Variants in UROC1 observed in about 807,000 individuals in gnomAD.
The protein encoded by UROC1 is urocanate hydratase.
A neutral mutation model predicts 89.5 loss-of-function variants in UROC1; 79 were observed. The ratio of observed to expected loss-of-function variants is 0.88; its 90% CI spans 0.74 to 1.06. The LOEUF is 1.06. Ranked by LOEUF, UROC1 falls within the 50% of genes least tolerant of loss-of-function variation. The pLI is 0.00. For missense variants in UROC1, 885 were observed against 907.8 expected (o/e 0.97, Z 0.32); for synonymous variants, 361 against 354.8 (o/e 1.02, Z -0.20).
intron 9 of UROC1, chr3:126,501,667 G>C (rs1002530236): frequency 9.4e-6 from 11 of 1,165,570 alleles, no homozygotes; most frequent in Non-Finnish European, 1.1e-5. Flanking sequence ...CGGAAAAATA[G>C]GACAGGAAAA....
At chr3:126,502,178 T>C (rs1935939026) in intron 9 of UROC1, among the ~76,000 whole-genome samples, 1 of 152,130 alleles carries the variant, frequency 6.6e-6, no homozygotes, top group Non-Finnish European at 1.5e-5. Flanking sequence ...GTTATGGGCA[T>C]GTGCGTGTGT....
intron 1 of UROC1, among the ~76,000 whole-genome samples, chr3:126,514,708 T>A (rs1013576416): frequency 6.6e-6 from 1 of 151,892 alleles, no homozygotes; most frequent in African/African-American, 2.4e-5. Context: ...CATAGATGCA[T>A]AGAATGTGTT....
At chr3:126,492,267 C>A in intron 16 of UROC1, 151 bp downstream of exon 16, 1 of 761,518 alleles carries the variant, frequency 1.3e-6, no homozygotes, top group South Asian at 1.5e-5. Flanking sequence ...GTCCACTGCT[C>A]CTGAGCACTG....
At chr3:126,484,816 G>C (rs951276953) in intron 18 of UROC1, among the ~76,000 whole-genome samples, 2 of 152,152 alleles carry the variant, frequency 1.3e-5, no homozygotes, top group Admixed American at 6.5e-5. Context: ...GCTCCAAGTC[G>C]ATCTAAGGTC....
In UROC1 at chr3:126,514,356, G is replaced by T. The variant is rs994064904; in HGVS notation, c.126+3238C>A. On this transcript the variant is annotated intron_variant, in intron 1 of 19. Coordinates refer to ENST00000290868, the MANE Select transcript of UROC1 (RefSeq NM_144639.3). Reference sequence around the variant, plus strand: ...CGATTTGGGGAAAAGGTCACCAGGAGAAACTGCACCTGGGGGTAGGTACTG... The same window carrying T: ...CGATTTGGGGAAAAGGTCACCAGGATAAACTGCACCTGGGGGTAGGTACTG... 1.3e-5 allele frequency among the ~76,000 whole-genome samples: 2 copies of T among 152,212 alleles called. 1 individual carries two copies. The highest frequency in any genetic ancestry group is 1.3e-4 in the Admixed American group (2 of 15,286).
Position 126,482,228 on chromosome 3 carries a change from G to T in UROC1, c.*117C>A. On this transcript the variant is annotated 3_prime_UTR_variant, in exon 20 of 20. Coordinates refer to ENST00000290868, the MANE Select transcript of UROC1 (RefSeq NM_144639.3). Reference sequence around the variant, plus strand: ...CTGCACAGGGCACCATAAGGGCCACGTGAGGATGTGCGAGAAGTGCAGGTA... The same window carrying T: ...CTGCACAGGGCACCATAAGGGCCACTTGAGGATGTGCGAGAAGTGCAGGTA... 6.8e-7 allele frequency: 1 copy of T among 1,480,442 alleles called. No individual in the cohort carries two copies. The highest frequency in any genetic ancestry group is 9.2e-7 in the Non-Finnish European group (1 of 1,081,874). 91.7% of individuals were successfully genotyped at this position (1,480,442 alleles called of 1,614,324 possible).
intron 1 of UROC1, among the ~76,000 whole-genome samples, chr3:126,515,391 A>G (rs1576734277): frequency 1.2e-5 from 1 of 83,096 alleles, no homozygotes; most frequent in Non-Finnish European, 2.4e-5. Flanking sequence ...GCCCCCGTCC[A>G]GGACCCACCA....
intron 8 of UROC1, among the ~76,000 whole-genome samples, chr3:126,505,405 G>T (rs997442863): frequency 6.6e-6 from 1 of 152,128 alleles, no homozygotes; most frequent in African/African-American, 2.4e-5. Context: ...TGGGATACAG[G>T]AAAGCTATAC....
chr3:126,485,383 A>G (rs1935489514), intron 18 of UROC1, among the ~76,000 whole-genome samples: 1 of 139,118 alleles, frequency 7.2e-6, no homozygotes, highest in Non-Finnish European at 1.5e-5. Flanking sequence ...ATGGCACTCC[A>G]GGGCTGTCCA....
chr3:126,510,722 C>G lies in UROC1; in HGVS notation c.199G>C (p.Glu67Gln). The G allele has an allele frequency of 1.2e-6, 2 of 1,614,214 alleles. No homozygotes were observed. The highest frequency in any genetic ancestry group is 1.7e-6 in the Non-Finnish European group (2 of 1,180,052). The change falls in exon 2 of 20, where the codon GAG (glutamate) becomes CAG (glutamine). Residue 67 changes from glutamate (E) to glutamine (Q), a missense_variant. By Grantham distance (29) the Glu-to-Gln change is conservative (BLOSUM62 2). Coordinates refer to ENST00000290868, the MANE Select transcript of UROC1 (RefSeq NM_144639.3). ...QELLAPEFAQ[E>Q]LQLYGHIYMY... ...TAGATGTGTCCGTACAGTTGCAGCT[C>G]CTGGGCAAACTCTGGGGCCAGCAGC...
rs553823696 is a variant in UROC1 at position 126,508,346 on chromosome 3, G to A, written c.411+70C>T. 404 of 1,518,758 alleles carry A rather than the reference G, an allele frequency of 2.7e-4. 5 individuals are homozygous for A. The South Asian group carries it at 4.3e-3, about 16-fold the overall frequency. The allele number at this position is 1,518,758 out of a possible 1,614,324, so 94.1% of individuals were successfully genotyped here. A position where few individuals can be genotyped will look rare whatever the true frequency, so the allele number is the denominator to read the frequency against. Reference sequence around the variant, plus strand: ...TGCATCCTGAGCTGTGGGTTTGTAAGCTCCTAGGCCAGAGGACCAGACTAG... The same window carrying A: ...TGCATCCTGAGCTGTGGGTTTGTAAACTCCTAGGCCAGAGGACCAGACTAG... On this transcript the variant is annotated intron_variant, in intron 4 of 19. Coordinates refer to ENST00000290868, the MANE Select transcript of UROC1 (RefSeq NM_144639.3).
intron 18 of UROC1, among the ~76,000 whole-genome samples, chr3:126,486,761 G>A (rs1078613): frequency 0.44 from 66,274 of 152,074 alleles, 15,370 homozygotes; most frequent in South Asian, 0.56. Flanking sequence ...CCTTGGAGTA[G>A]CCACGGTGGG....
At position 126,517,676 on chromosome 3, in the gene UROC1, G is replaced by A. The variant is rs1936359371; in HGVS notation, c.44C>T (p.Pro15Leu). The A allele has an allele frequency of 6.2e-7, 1 of 1,602,810 alleles. No homozygotes were observed. The highest frequency in any genetic ancestry group is 1.1e-5 in the South Asian group (1 of 89,602). The change falls in exon 1 of 20, where the codon CCC (proline) becomes CTC (leucine). Residue 15 changes from proline to leucine, a missense_variant. Pro to Leu is a moderately conservative substitution (Grantham distance 98, BLOSUM62 -3). Coordinates refer to ENST00000290868, the MANE Select transcript of UROC1 (RefSeq NM_144639.3). ...QALCSGLPLRPLPENRGRQAG... is the reference protein window; with the variant it reads ...QALCSGLPLRLLPENRGRQAG... ...CTGGCGTCCCCGGTTCTCTGGGAGG[G>A]GCCGCAGGGGCAGGCCAGAGCACAG...
At chr3:126,513,338 C>T (rs1339120139) in intron 1 of UROC1, among the ~76,000 whole-genome samples, 1 of 152,244 alleles carries the variant, frequency 6.6e-6, no homozygotes, top group Non-Finnish European at 1.5e-5. Context: ...TTCCTGCACC[C>T]TGCTAGTGCA....
intron 4 of UROC1, 94 bp downstream of exon 4, chr3:126,508,322 G>T: frequency 7.0e-7 from 1 of 1,420,022 alleles, no homozygotes; most frequent in Non-Finnish European, 9.9e-7. Flanking sequence ...GCAGAGGCCT[G>T]CATCCTGAGC....
intron 1 of UROC1, among the ~76,000 whole-genome samples, chr3:126,513,261 T>A (rs911438457): frequency 2.0e-4 from 31 of 152,244 alleles, no homozygotes; most frequent in African/African-American, 7.2e-4. Flanking sequence ...AGTTTCTGAC[T>A]GTCACTATTT....
At chr3:126,508,119 G>A in intron 4 of UROC1, 24 bp from the exon 5 acceptor site, 1 of 1,613,336 alleles carries the variant, frequency 6.2e-7, no homozygotes, top group Non-Finnish European at 8.5e-7. Flanking sequence ...AGAGCGTGGG[G>A]ATTCTGTCAA....
Position 126,482,294 on chromosome 3 carries a change from G to T in UROC1, c.*51C>A, listed in dbSNP as rs769989688. 3 of 1,607,210 alleles carry T rather than the reference G, an allele frequency of 1.9e-6. No individual in the cohort carries two copies. Among genetic ancestry groups the T allele is most frequent in the Admixed American group, 1.7e-5 (1 of 59,894 alleles). Reference sequence around the variant, plus strand: ...AAGGGTGTGTGCCATGGCTGGGCAGGTGAGGATCGCCAGGGAGGAAGGGAG... The same window carrying T: ...AAGGGTGTGTGCCATGGCTGGGCAGTTGAGGATCGCCAGGGAGGAAGGGAG... On this transcript the variant is annotated 3_prime_UTR_variant, in exon 20 of 20. Coordinates refer to ENST00000290868, the MANE Select transcript of UROC1 (RefSeq NM_144639.3).
At position 126,482,239 on chromosome 3, in the gene UROC1, C is replaced by G. The variant is rs953892282; in HGVS notation, c.*106G>C. 8.5e-6 allele frequency: 13 copies of G among 1,523,696 alleles called. No homozygotes were observed. Among genetic ancestry groups the G allele is most frequent in the Admixed American group, 3.5e-5 (2 of 57,824 alleles). 94.4% of individuals were successfully genotyped at this position (1,523,696 alleles called of 1,614,324 possible). On this transcript the variant is annotated 3_prime_UTR_variant, in exon 20 of 20. Coordinates refer to ENST00000290868, the MANE Select transcript of UROC1 (RefSeq NM_144639.3). ...ACCATAAGGGCCACGTGAGGATGTG[C>G]GAGAAGTGCAGGTAGTGCGGGTGTG... is the stretch of plus-strand genomic sequence containing the variant.
Sources: gnomAD v4.1 joint callset for allele counts (sites outside exome capture counted in the v4.1 genomes callset) on GRCh38, gnomAD v4.1.1 for gene constraint, MANE v1.5 for transcripts, NCBI Gene and HGNC (gene_info 2026-07-23, HGNC 2026-07-21) for gene names.